Variants in MLIP observed in about 807,000 individuals in gnomAD.
MLIP encodes the protein muscular LMNA-interacting protein.
A neutral mutation model predicts 84.8 loss-of-function variants in MLIP; 79 were observed. That is an observed-to-expected ratio of 0.93 (90% CI 0.78 to 1.12). The LOEUF is 1.12. Among genes scored for constraint, MLIP ranks in the 50% most tolerant of loss-of-function variants. The probability of loss-of-function intolerance (pLI) is 0.00; values close to 1 mark genes in which losing one functional copy is unlikely to be tolerated. For synonymous variants in MLIP, 504 were observed against 463.0 expected (o/e 1.09, Z -1.14); for missense variants, 1,257 against 1,160.6 (o/e 1.08, Z -1.21).
chr6:54,194,404 T>A (rs1022961492), intron 10 of MLIP, among the ~76,000 whole-genome samples: 4 of 152,296 alleles, frequency 2.6e-5, no homozygotes, highest in African/African-American at 9.6e-5. Context: ...CATGCTATCA[T>A]CTTTTATTTA....
intron 4 of MLIP, among the ~76,000 whole-genome samples, chr6:54,145,238 G>A (rs13214698): frequency 1.5e-3 from 228 of 152,144 alleles, no homozygotes; most frequent in Middle Eastern, 3.4e-3. Flanking sequence ...AAGCCAAAGA[G>A]GAAAATAAAT....
rs77303495 is a variant in MLIP at position 54,089,203 on chromosome 6, T to A, written c.64-32244T>A. On this transcript the variant is annotated intron_variant, in intron 1 of 12. Coordinates refer to the MLIP transcript ENST00000274897. ...TACAAATTTGTAGACATTCTCTACA[T>A]ATGTAGCCATGCTGGGTTACATAGC... Among the ~76,000 whole-genome samples, 90 of 152,306 alleles carry A rather than the reference T, an allele frequency of 5.9e-4. No homozygotes were observed. In the East Asian group the frequency reaches 7.1e-3, roughly 12 times the overall value.
At chr6:54,025,492 C>G (rs1242594912) in intron 1 of MLIP, among the ~76,000 whole-genome samples, 3 of 152,138 alleles carry the variant, frequency 2.0e-5, no homozygotes, top group African/African-American at 7.2e-5. Flanking sequence ...TCTTAATAAA[C>G]TAATTTTGGT....
At chr6:54,139,105 G>C (rs548985872) in intron 4 of MLIP, among the ~76,000 whole-genome samples, 1 of 152,274 alleles carries the variant, frequency 6.6e-6, no homozygotes, top group Non-Finnish European at 1.5e-5. Flanking sequence ...CCTGCTATAT[G>C]TGTACCACTA....
intron 5 of MLIP, among the ~76,000 whole-genome samples, chr6:54,151,408 CA>C (rs1773432067): frequency 6.6e-6 from 1 of 152,032 alleles, no homozygotes; most frequent in Non-Finnish European, 1.5e-5. Context: ...TCTGTTTATA[CA>C]ATAGACTTTA....
chr6:54,070,689 A>C (rs887948427), intron 1 of MLIP, among the ~76,000 whole-genome samples: 8 of 151,778 alleles, frequency 5.3e-5, no homozygotes, highest in African/African-American at 1.9e-4. Flanking sequence ...TGAGTCATGC[A>C]CTCTTTTTGC....
intron 1 of MLIP, among the ~76,000 whole-genome samples, chr6:54,074,155 GT>G (rs1175145252): frequency 3.3e-5 from 5 of 151,928 alleles, no homozygotes; most frequent in African/African-American, 4.8e-5. Flanking sequence ...AAAATGATGT[GT>G]TTTTTTTGAA....
intron 1 of MLIP, among the ~76,000 whole-genome samples, chr6:54,112,595 A>T (rs1457832700): frequency 6.6e-6 from 1 of 152,198 alleles, no homozygotes; most frequent in Non-Finnish European, 1.5e-5. Context: ...AAGATGAATA[A>T]GTCTTTAGTT....
intron 3 of MLIP, among the ~76,000 whole-genome samples, chr6:54,131,553 A>T (rs541418841): frequency 5.2e-4 from 79 of 152,088 alleles, no homozygotes; most frequent in Non-Finnish European, 8.2e-4. Flanking sequence ...CCCACACTTA[A>T]AAGGAAGGAA....
At chr6:54,165,563 G>A (rs1214422359) in intron 8 of MLIP, among the ~76,000 whole-genome samples, 2 of 151,850 alleles carry the variant, frequency 1.3e-5, no homozygotes, top group East Asian at 1.9e-4. Context: ...TGTAGAATAC[G>A]TAAAAACAGA....
chr6:54,167,610 G>A (rs1449530134), intron 8 of MLIP, among the ~76,000 whole-genome samples: 1 of 151,558 alleles, frequency 6.6e-6, no homozygotes, highest in Non-Finnish European at 1.5e-5. Context: ...TTGCCTTTTT[G>A]TGTATCTGAA....
rs765992486 is a variant in MLIP, at chr6:54,266,113, A to G, written c.*158A>G. On this transcript the variant is annotated 3_prime_UTR_variant, in exon 14 of 14. Transcript: ENST00000502396. Reference sequence around the variant, plus strand: ...CAAAAAAAAAGTTTGCTGCAATTATATAGCATCACAGTGCTCTGCTAACAG... The same window carrying G: ...CAAAAAAAAAGTTTGCTGCAATTATGTAGCATCACAGTGCTCTGCTAACAG... The G allele has an allele frequency of 1.1e-4, 73 of 674,934 alleles. No homozygotes were observed. Among genetic ancestry groups the G allele is most frequent in the Admixed American group, 4.8e-4 (18 of 37,718 alleles). 41.8% of individuals were successfully genotyped at this position (674,934 alleles called of 1,614,324 possible). A position where few individuals can be genotyped will look rare whatever the true frequency, so the allele number is the denominator to read the frequency against.
upstream of MLIP, among the ~76,000 whole-genome samples, chr6:54,108,306 G>A (rs1358759106): frequency 1.3e-5 from 2 of 152,164 alleles, no homozygotes; most frequent in Non-Finnish European, 2.9e-5. Context: ...GACCATAGAT[G>A]ACTTTTTGTC....
chr6:54,240,551 A>T (rs1781667370), intron 12 of MLIP, among the ~76,000 whole-genome samples: 1 of 152,170 alleles, frequency 6.6e-6, no homozygotes, highest in African/African-American at 2.4e-5. Context: ...TGTGCCACAC[A>T]TTTCACTCTC....
intron 12 of MLIP, among the ~76,000 whole-genome samples, chr6:54,252,153 A>ATATAATATATAACTATAATATAT: frequency 9.5e-6 from 1 of 105,162 alleles, no homozygotes; most frequent in African/African-American, 4.1e-5. Flanking sequence ...ATAATATAAC[A>ATATAATATATAACTATAATATAT]TATAATATAT....
chr6:54,170,072 A>G (rs1343109433), intron 9 of MLIP, among the ~76,000 whole-genome samples: 1 of 151,708 alleles, frequency 6.6e-6, no homozygotes, highest in East Asian at 1.9e-4. Flanking sequence ...CTCACATTCA[A>G]TTCAAATAAT....
chr6:54,189,817 T>A, intron 9 of MLIP, 53 bp from the exon 10 acceptor site: 1 of 1,343,522 alleles, frequency 7.4e-7, no homozygotes, highest in Non-Finnish European at 1.1e-6. Flanking sequence ...AACACATACA[T>A]ATTTTAATAA....
chr6:54,069,663 A>C (rs1237090261), intron 1 of MLIP, among the ~76,000 whole-genome samples: 3 of 99,830 alleles, frequency 3.0e-5, no homozygotes, highest in African/African-American at 7.7e-5. Flanking sequence ...AATAGCAATA[A>C]AAAAAGGCAA....
intron 8 of MLIP, among the ~76,000 whole-genome samples, chr6:54,167,321 C>T (rs913752674): frequency 2.6e-5 from 1 of 38,740 alleles, no homozygotes; most frequent in Non-Finnish European, 4.8e-5. Context: ...TTCCAACTCT[C>T]TCCTTTACTC....
Sources: allele counts gnomAD v4.1 joint callset (sites outside exome capture counted in the v4.1 genomes callset), GRCh38; gene constraint gnomAD v4.1.1; transcripts MANE v1.5; gene names NCBI Gene and HGNC (gene_info 2026-07-23, HGNC 2026-07-21).